Variants in XKR3 observed in about 807,000 individuals in gnomAD.
XKR3 encodes the protein XK related 3, also known as XK-related protein 3.
A neutral mutation model predicts 40.3 loss-of-function variants in XKR3; 27 were observed. The observed-to-expected ratio is 0.67, with a 90% CI of 0.49 to 0.92. The LOEUF is 0.92. XKR3 is among the 40% of genes least tolerant of loss of function. The pLI, the probability that XKR3 is intolerant of heterozygous loss-of-function variation, is 0.00. For synonymous variants in XKR3, 193 were observed against 195.4 expected (o/e 0.99, Z 0.10); for missense variants, 472 against 537.6 (o/e 0.88, Z 1.21).
chr22:16,791,503 G>A (rs1473524749), intron 3 of XKR3, among the ~76,000 whole-genome samples: 2 of 150,864 alleles, frequency 1.3e-5, no homozygotes, highest in African/African-American at 4.9e-5. Context: ...GTATATTGTT[G>A]AAATATGTAC....
At position 16,807,953 on chromosome 22, in the gene XKR3, T is replaced by C. The variant is rs2060197302; in HGVS notation, c.121A>G (p.Thr41Ala). ...GCAACCTCACCACAGTAGAGAACAG[T>C]TGAGAAGATAATGCTAAAAGGAAAG... ...LSFPFSIIFSTVLYCGEVAFG... is the reference protein window; with the variant it reads ...LSFPFSIIFSAVLYCGEVAFG... Residue 41 changes from threonine to alanine, a missense_variant, in exon 2 of 4, where the codon ACT (threonine) becomes GCT (alanine). Transcript: ENST00000684488. The C allele has an allele frequency of 3.1e-6, 5 of 1,613,828 alleles. No homozygotes were observed. The highest frequency in any genetic ancestry group is 4.2e-6 in the Non-Finnish European group (5 of 1,179,912).
chr22:16,804,870 A>T (rs1005177063), intron 2 of XKR3, among the ~76,000 whole-genome samples: 1 of 152,194 alleles, frequency 6.6e-6, no homozygotes. Context: ...TACCCTGACC[A>T]CATTGGGCAC....
At chr22:16,809,098 C>T (rs2060202571) in intron 1 of XKR3, among the ~76,000 whole-genome samples, 1 of 152,162 alleles carries the variant, frequency 6.6e-6, no homozygotes, top group Non-Finnish European at 1.5e-5. Flanking sequence ...TTTTATTTGA[C>T]AAGTTGTTCA....
At chr22:16,802,444 T>A (rs2060173084) in intron 2 of XKR3, among the ~76,000 whole-genome samples, 1 of 152,034 alleles carries the variant, frequency 6.6e-6, no homozygotes, top group African/African-American at 2.4e-5. Flanking sequence ...GTAGAATGTC[T>A]AATATTTAAT....
At chr22:16,810,497 A>G (rs531352435) in intron 1 of XKR3, among the ~76,000 whole-genome samples, 1 of 152,074 alleles carries the variant, frequency 6.6e-6, no homozygotes, top group African/African-American at 2.4e-5. Context: ...GGCCATCCAC[A>G]TTTCTCAGGC....
chr22:16,808,365 A>G (rs578189219), intron 1 of XKR3, among the ~76,000 whole-genome samples: 3 of 152,324 alleles, frequency 2.0e-5, no homozygotes, highest in South Asian at 4.1e-4. Flanking sequence ...TGATAGTCCT[A>G]TCTCCAAGTA....
Position 16,783,926 on chromosome 22 carries a change from A to G in XKR3, c.1073T>C (p.Met358Thr), listed in dbSNP as rs2060077263. 15 of 1,614,050 alleles carry G rather than the reference A, an allele frequency of 9.3e-6. No homozygotes were observed. Among genetic ancestry groups the G allele is most frequent in the African/African-American group, 1.3e-5 (1 of 74,928 alleles). The change falls in exon 4 of 4, where the codon ATG becomes ACG. Residue 358 changes from methionine to threonine, a missense_variant. By Grantham distance (81) the Met-to-Thr change is moderately conservative (BLOSUM62 -1). Transcript: ENST00000684488. ...YSFQFLENVIMILVFRFFGGK... is the reference protein window; with the variant it reads ...YSFQFLENVITILVFRFFGGK... ...TCCAAAGAACCTAAATACCAATATC[A>G]TTATCACATTTTCTAAAAACTGAAA...
intron 2 of XKR3, among the ~76,000 whole-genome samples, chr22:16,805,391 TTA>T (rs1491124961): frequency 1.3e-5 from 2 of 152,118 alleles, no homozygotes; most frequent in African/African-American, 4.8e-5. Context: ...ACCTGTACAT[TTA>T]AAACTACCAA....
At chr22:16,800,532 A>G (rs1476819011) in intron 2 of XKR3, among the ~76,000 whole-genome samples, 1 of 152,140 alleles carries the variant, frequency 6.6e-6, no homozygotes, top group Non-Finnish European at 1.5e-5. Flanking sequence ...TTGACTTATG[A>G]TTTTTCTCTA....
intron 1 of XKR3, among the ~76,000 whole-genome samples, chr22:16,813,264 G>A (rs577657674): frequency 1.3e-4 from 20 of 151,860 alleles, no homozygotes; most frequent in African/African-American, 4.3e-4. Context: ...AGCCTGGGCG[G>A]CAGAGGAAGA....
At chr22:16,807,708 G>T in intron 2 of XKR3, 31 bp downstream of exon 2, 1 of 1,500,116 alleles carries the variant, frequency 6.7e-7, no homozygotes, top group South Asian at 1.3e-5. Context: ...CTTGTTGGAG[G>T]CAGTGAATGA....
At chr22:16,823,912 A>C (rs1208309940) in intron 1 of XKR3, among the ~76,000 whole-genome samples, 1 of 152,156 alleles carries the variant, frequency 6.6e-6, no homozygotes, top group Non-Finnish European at 1.5e-5. Flanking sequence ...ATGATAATTC[A>C]AGGCTGCTGA....
chr22:16,784,066 T>A lies in XKR3; in HGVS notation c.933A>T (p.Thr311=), dbSNP rs2060078311. ...AGAAGTTGATGGCAGCATATAGCAG[T>A]GTGATCAAGAAAAGCATCAGTACTG... ...VGTVLMLFLI[T]LLYAAINFSC... is the part of the protein sequence containing the mutation. The change falls in exon 4 of 4, where the codon ACA becomes ACT. Residue 311 remains threonine (T), a synonymous_variant. Coordinates refer to ENST00000684488, the MANE Select transcript of XKR3 (RefSeq NM_001386955.1). 1.9e-6 allele frequency: 3 copies of A among 1,614,182 alleles called. No individual in the cohort carries two copies. The highest frequency in any genetic ancestry group is 2.2e-5 in the East Asian group (1 of 44,884).
At chr22:16,786,489 A>G (rs1415452942) in intron 3 of XKR3, among the ~76,000 whole-genome samples, 4 of 152,196 alleles carry the variant, frequency 2.6e-5, no homozygotes, top group Non-Finnish European at 5.9e-5. Flanking sequence ...CTGTGGGCTC[A>G]GCAGGATGGA....
chr22:16,796,728 A>C (rs2060142619), intron 3 of XKR3, among the ~76,000 whole-genome samples: 1 of 152,234 alleles, frequency 6.6e-6, no homozygotes. Flanking sequence ...AGCCAACATC[A>C]TACTGAATGG....
Position 16,799,413 on chromosome 22 carries a change from C to CAAAAAAAAAAAAAAAAAAAAAAAAA in XKR3, c.589+357_589+358insTTTTTTTTTTTTTTTTTTTTTTTTT, listed in dbSNP as rs528071823. On this transcript the variant is annotated intron_variant, in intron 3 of 3. Coordinates refer to ENST00000684488, the MANE Select transcript of XKR3 (RefSeq NM_001386955.1). ...TGGGCGACAAAGTGAGACTATGTCT[C>CAAAAAAAAAAAAAAAAAAAAAAAAA]AAAAAAAAAAAAAAAAAAAAAGCAA... Among the ~76,000 whole-genome samples the CAAAAAAAAAAAAAAAAAAAAAAAAA allele has an allele frequency of 1.3e-3, 42 of 32,540 alleles. 2 individuals carry two copies. Among genetic ancestry groups the CAAAAAAAAAAAAAAAAAAAAAAAAA allele is most frequent in the Admixed American group, 2.7e-3 (6 of 2,198 alleles). 21.3% of individuals were successfully genotyped at this position (32,540 alleles called of 152,430 possible).
intron 1 of XKR3, among the ~76,000 whole-genome samples, chr22:16,815,345 A>T (rs8138409): frequency 0.15 from 22,672 of 151,904 alleles, 1,884 homozygotes; most frequent in East Asian, 0.37. Flanking sequence ...CTGGATTTGA[A>T]TTGCTAGTAT....
intron 2 of XKR3, among the ~76,000 whole-genome samples, chr22:16,807,465 G>A (rs2060194214): frequency 1.3e-5 from 2 of 152,286 alleles, no homozygotes; most frequent in Admixed American, 6.5e-5. Flanking sequence ...TAGGCCGAAT[G>A]AGAAAAATAG....
At chr22:16,822,221 G>C (rs566978255) in intron 1 of XKR3, among the ~76,000 whole-genome samples, 2 of 152,140 alleles carry the variant, frequency 1.3e-5, no homozygotes, top group South Asian at 4.1e-4. Flanking sequence ...GCTGAGAGGG[G>C]ATAATGGTAC....
Sources: allele counts gnomAD v4.1 joint callset (sites outside exome capture counted in the v4.1 genomes callset), GRCh38; gene constraint gnomAD v4.1.1; transcripts MANE v1.5; gene names NCBI Gene and HGNC (gene_info 2026-07-23, HGNC 2026-07-21).